BEST3: variants seen among roughly 807,000 people sequenced by gnomAD.
BEST3 encodes bestrophin-3.
BEST3 carries 50 observed loss-of-function variants against 47.1 expected under a neutral mutation model. The observed-to-expected ratio is 1.06, with a 90% CI of 0.85 to 1.34. The LOEUF (loss-of-function observed/expected upper bound fraction) is 1.34, where lower values mean the gene tolerates loss of function less well. Ranked by LOEUF, BEST3 falls within the 40% of genes most tolerant of loss-of-function variation. The probability of loss-of-function intolerance (pLI) is 0.00; values close to 1 mark genes in which losing one functional copy is unlikely to be tolerated. For missense variants in BEST3, 765 were observed against 817.0 expected (o/e 0.94, Z 0.78); for synonymous variants, 282 against 298.8 (o/e 0.94, Z 0.58).
intron 4 of BEST3, among the ~76,000 whole-genome samples, chr12:69,691,669 G>A (rs1243739734): frequency 2.0e-5 from 3 of 152,166 alleles, no homozygotes; most frequent in African/African-American, 7.2e-5. Context: ...GTGTGCGCCT[G>A]TAGTCCCAGC....
At chr12:69,686,779 C>CAAAAAAAAAAAAAAAAACA (rs71094728) in intron 4 of BEST3, among the ~76,000 whole-genome samples, 1 of 99,382 alleles carries the variant, frequency 1.0e-5, no homozygotes, top group Non-Finnish European at 2.0e-5. Context: ...CTCAAAAAAA[C>CAAAAAAAAAAAAAAAAACA]AAAAAAAAAA....
downstream of BEST3, among the ~76,000 whole-genome samples, chr12:69,652,910 A>G (rs539245892): frequency 6.6e-6 from 1 of 152,350 alleles, no homozygotes; most frequent in Admixed American, 6.5e-5. Flanking sequence ...CCCATAGTCT[A>G]TACGTAGTGC....
At chr12:69,656,978 G>A (rs1883542304) in intron 9 of BEST3, among the ~76,000 whole-genome samples, 1 of 152,178 alleles carries the variant, frequency 6.6e-6, no homozygotes, top group Non-Finnish European at 1.5e-5. Context: ...TCCAGTTAGG[G>A]TGAACTTGCA....
intron 4 of BEST3, chr12:69,689,008 G>T: frequency 2.7e-6 from 2 of 730,778 alleles, no homozygotes; most frequent in Non-Finnish European, 3.3e-6. Flanking sequence ...CAACTGACAA[G>T]AAGGTCCCTC....
chr12:69,658,427 G>T (rs185992503), intron 9 of BEST3, among the ~76,000 whole-genome samples: 3 of 152,122 alleles, frequency 2.0e-5, no homozygotes, highest in Non-Finnish European at 4.4e-5. Context: ...TGGTGCTCTT[G>T]CTATGTTGGA....
chr12:69,689,123 A>T (rs775419), intron 4 of BEST3: 397,132 of 984,994 alleles, frequency 0.4, 81,122 homozygotes, highest in East Asian at 0.73. Context: ...GACTCAGGGA[A>T]TCTGCCAAAC....
intron 2 of BEST3, among the ~76,000 whole-genome samples, chr12:69,695,204 T>C (rs1886086838): frequency 6.6e-6 from 1 of 152,136 alleles, no homozygotes; most frequent in South Asian, 2.1e-4. Flanking sequence ...TAAGGCAAAC[T>C]AATAATAATG....
intron 5 of BEST3, 47 bp downstream of exon 5, chr12:69,678,692 T>G (rs1471377999): frequency 1.3e-6 from 2 of 1,580,852 alleles, no homozygotes; most frequent in Non-Finnish European, 1.7e-6. Flanking sequence ...CAGGTCCTTC[T>G]TGGTCTCTAA....
intron 9 of BEST3, among the ~76,000 whole-genome samples, chr12:69,667,708 C>T (rs1324613967): frequency 6.6e-6 from 1 of 152,186 alleles, no homozygotes; most frequent in Non-Finnish European, 1.5e-5. Context: ...TAAGGCTGAG[C>T]GTTTCTCCAC....
At chr12:69,695,817 C>CAT (rs1886113144) in intron 2 of BEST3, among the ~76,000 whole-genome samples, 1 of 151,976 alleles carries the variant, frequency 6.6e-6, no homozygotes, top group Non-Finnish European at 1.5e-5. Flanking sequence ...TATATGTATA[C>CAT]ATATATATAA....
In BEST3 at chr12:69,654,433, G is replaced by T. The variant is rs1883331430; in HGVS notation, c.*474C>A. On this transcript the variant is annotated 3_prime_UTR_variant, in exon 10 of 10. Transcript: ENST00000330891. ...TAGAAAGCCTCAAACAAAAACGTTA[G>T]GAAGGAGGGGATCTTTCAGGCATTA... The T allele has an allele frequency of 2.0e-6, 2 of 986,304 alleles. No homozygotes were observed. Among genetic ancestry groups the T allele is most frequent in the South Asian group, 9.4e-5 (2 of 21,326 alleles). The allele number at this position is 986,304 out of a possible 1,614,324, so 61.1% of individuals were successfully genotyped here.
At chr12:69,694,526 G>T in intron 2 of BEST3, 62 bp from the exon 3 acceptor site, 1 of 721,106 alleles carries the variant, frequency 1.4e-6, no homozygotes, top group Non-Finnish European at 2.2e-6. Context: ...TGCTTTGCAA[G>T]TGACATTAAG....
downstream of BEST3, among the ~76,000 whole-genome samples, chr12:69,648,955 C>A (rs1238274154): frequency 6.6e-6 from 1 of 152,208 alleles, no homozygotes; most frequent in Non-Finnish European, 1.5e-5. Flanking sequence ...TATCCACAGT[C>A]TAGCAGCTTA....
intron 9 of BEST3, among the ~76,000 whole-genome samples, chr12:69,659,179 G>T (rs1340009916): frequency 6.6e-6 from 1 of 152,074 alleles, no homozygotes; most frequent in African/African-American, 2.4e-5. Context: ...CTGTAACAGA[G>T]CAGTAGGGAA....
chr12:69,692,802 G>C (rs540478757), intron 4 of BEST3, among the ~76,000 whole-genome samples: 1 of 152,092 alleles, frequency 6.6e-6, no homozygotes, highest in Admixed American at 6.6e-5. Context: ...GGACCTTGTC[G>C]CCCAGGGTGG....
rs1169804080 is a variant in BEST3, at chr12:69,654,476, C to G, written c.*431G>C. ...AGGCATTAGGTGATCCATCTCCTTTCTTTATGGCTAAAGAAAAAAAGAAAG... is the reference window on the plus strand; with the variant it reads ...AGGCATTAGGTGATCCATCTCCTTTGTTTATGGCTAAAGAAAAAAAGAAAG... On this transcript the variant is annotated 3_prime_UTR_variant, in exon 10 of 10. Coordinates refer to ENST00000330891, the MANE Select transcript of BEST3 (RefSeq NM_032735.3). 1 of 987,976 alleles carries G rather than the reference C, an allele frequency of 1.0e-6. No homozygotes were observed. Among genetic ancestry groups the G allele is most frequent in the East Asian group, 1.1e-4 (1 of 8,872 alleles). 61.2% of individuals were successfully genotyped at this position (987,976 alleles called of 1,614,324 possible).
chr12:69,661,177 A>G (rs1456872865), intron 9 of BEST3: 1 of 152,200 alleles, frequency 6.6e-6, no homozygotes, highest in Non-Finnish European at 1.5e-5. Flanking sequence ...CATTTCTCCA[A>G]AGAAAGCTTT....
chr12:69,693,604 T>G, intron 4 of BEST3, 70 bp downstream of exon 4: 1 of 1,280,388 alleles, frequency 7.8e-7, no homozygotes, highest in Admixed American at 2.0e-5. Context: ...CATAAAGAAT[T>G]TTCAAAGGAA....
intron 5 of BEST3, among the ~76,000 whole-genome samples, chr12:69,678,232 A>AT (rs34876568): frequency 0.85 from 129,637 of 151,776 alleles, 55,737 homozygotes; most frequent in Middle Eastern, 0.99. Context: ...CAGCCCTTAT[A>AT]TAAAAAAAAT....
Sources: allele counts gnomAD v4.1 joint callset (sites outside exome capture counted in the v4.1 genomes callset), GRCh38; gene constraint gnomAD v4.1.1; transcripts MANE v1.5; gene names NCBI Gene and HGNC (gene_info 2026-07-23, HGNC 2026-07-21).